The following MEP1A variants were observed in gnomAD, a reference collection of about 807,000 sequenced individuals.
The protein encoded by MEP1A is meprin A subunit alpha.
A neutral mutation model predicts 84.5 loss-of-function variants in MEP1A; 68 were observed. That is an observed-to-expected ratio of 0.80 (90% CI 0.66 to 0.98). The LOEUF (loss-of-function observed/expected upper bound fraction) is 0.98. MEP1A is among the 50% of genes least tolerant of loss of function. The probability of loss-of-function intolerance (pLI) is 0.00; values close to 1 mark genes in which losing one functional copy is unlikely to be tolerated. For synonymous variants in MEP1A, 337 were observed against 336.8 expected, an observed-to-expected ratio of 1.00 and a Z score of -0.01; for missense variants, 887 against 919.9, an observed-to-expected ratio of 0.96 and a Z score of 0.46.
In MEP1A at chr6:46,822,966, A is replaced by G. The variant is rs918236278; in HGVS notation, c.557-2306A>G. Reference sequence around the variant, plus strand: ...AGACTCTTATGCTCTTTAAAATTCCATTACCTCAAATGACATCCTAGGACC... The same window carrying G: ...AGACTCTTATGCTCTTTAAAATTCCGTTACCTCAAATGACATCCTAGGACC... On this transcript the variant is annotated intron_variant, in intron 7 of 13. Transcript: ENST00000230588. Among the ~76,000 whole-genome samples the G allele has an allele frequency of 3.3e-5, 5 of 152,256 alleles. No homozygotes were observed. The South Asian group carries it at 6.2e-4, about 19-fold the overall frequency.
At position 46,798,590 on chromosome 6, in the gene MEP1A, A is replaced by G; in HGVS notation, c.146-16A>G. On this transcript the variant is annotated splice_polypyrimidine_tract_variant and intron_variant, in intron 3 of 13. Coordinates refer to ENST00000230588, the MANE Select transcript of MEP1A (RefSeq NM_005588.3). Reference sequence around the variant, plus strand: ...TCACTCAAATATTCTTTTTTTAAAAAAAATTCCACTTCCAGCTGCAGGCTT... The same window carrying G: ...TCACTCAAATATTCTTTTTTTAAAAGAAATTCCACTTCCAGCTGCAGGCTT... 1 of 1,611,592 alleles carries G rather than the reference A, an allele frequency of 6.2e-7. No homozygotes were observed. Among genetic ancestry groups the G allele is most frequent in the Non-Finnish European group, 8.5e-7 (1 of 1,178,258 alleles).
intron 5 of MEP1A, among the ~76,000 whole-genome samples, chr6:46,803,015 A>G (rs1056110377): frequency 2.6e-5 from 4 of 151,684 alleles, no homozygotes; most frequent in African/African-American, 9.7e-5. Flanking sequence ...TAATAAAGTT[A>G]TGTAGCTCTC....
chr6:46,818,786 T>A (rs933441340), intron 6 of MEP1A, among the ~76,000 whole-genome samples: 1 of 152,206 alleles, frequency 6.6e-6, no homozygotes, highest in African/African-American at 2.4e-5. Flanking sequence ...CTTTTTATGA[T>A]CATAAAATAT....
intron 7 of MEP1A, among the ~76,000 whole-genome samples, chr6:46,822,651 C>T (rs1180624706): frequency 1.3e-5 from 2 of 152,156 alleles, no homozygotes; most frequent in Admixed American, 6.5e-5. Context: ...TCAAGCGATT[C>T]TCATGCCTCA....
intron 6 of MEP1A, among the ~76,000 whole-genome samples, chr6:46,814,419 A>G (rs951435676): frequency 3.8e-4 from 58 of 151,938 alleles, no homozygotes; most frequent in African/African-American, 1.3e-3. Flanking sequence ...TATTTATGCT[A>G]TCTATTTCAC....
intron 12 of MEP1A, 58 bp from the exon 13 acceptor site, chr6:46,835,191 G>A (rs1239173263): frequency 5.6e-6 from 8 of 1,433,780 alleles, no homozygotes; most frequent in East Asian, 4.9e-5. Context: ...AGAAGTGGGA[G>A]TTAATTGTAG....
intron 3 of MEP1A, among the ~76,000 whole-genome samples, chr6:46,794,174 A>T (rs1332708757): frequency 6.6e-6 from 1 of 152,150 alleles, no homozygotes; most frequent in Non-Finnish European, 1.5e-5. Flanking sequence ...TAGACATCTC[A>T]TTTACAAATA....
downstream of MEP1A, among the ~76,000 whole-genome samples, chr6:46,839,948 A>G (rs1431255889): frequency 2.0e-5 from 3 of 152,138 alleles, no homozygotes; most frequent in Non-Finnish European, 4.4e-5. Context: ...AGAACTTTAA[A>G]GAAGTATTTT....
rs1768061255 is a variant in MEP1A, at chr6:46,830,929, G to C, written c.1144+1358G>C. Among the ~76,000 whole-genome samples, 6 of 152,176 alleles carry C rather than the reference G, an allele frequency of 3.9e-5. No homozygotes were observed. The South Asian group carries it at 1.2e-3, about 32-fold the overall frequency. ...GATTGTAAATATTTAATGAGAAAAT[G>C]AGTTAGAGTTTCAATAATATTGATG... On this transcript the variant is annotated intron_variant, in intron 10 of 13. Transcript: ENST00000230588.
At chr6:46,830,617 C>T (rs879588653) in intron 10 of MEP1A, among the ~76,000 whole-genome samples, 1 of 152,164 alleles carries the variant, frequency 6.6e-6, no homozygotes, top group Non-Finnish European at 1.5e-5. Flanking sequence ...ATCCTAGCAT[C>T]CAACTGCCTA....
intron 5 of MEP1A, among the ~76,000 whole-genome samples, chr6:46,808,681 T>C (rs1332062482): frequency 2.6e-5 from 4 of 152,036 alleles, no homozygotes; most frequent in Admixed American, 1.3e-4. Flanking sequence ...GCATTTGATC[T>C]TTGGTCATTG....
chr6:46,814,457 C>A (rs541076039), intron 6 of MEP1A, among the ~76,000 whole-genome samples: 2 of 151,980 alleles, frequency 1.3e-5, no homozygotes, highest in Non-Finnish European at 1.5e-5. Context: ...ATATTCTCAT[C>A]ATGTTTTTGA....
chr6:46,798,689 A>AGTG, intron 4 of MEP1A, 43 bp downstream of exon 4: 1 of 1,560,220 alleles, frequency 6.4e-7, no homozygotes, highest in South Asian at 1.1e-5. Flanking sequence ...CAGGACAGGC[A>AGTG]GTACCACTGG....
rs750282221 is a variant in MEP1A, at chr6:46,798,683, A to G, written c.186+37A>G. 6.3e-6 allele frequency: 10 copies of G among 1,586,762 alleles called. No homozygotes were observed. The African/African-American group carries it at 1.2e-4, about 19-fold the overall frequency. ...TCAATGATGCAATAAGTTTCTCAGG[A>G]CAGGCAGTACCACTGGGTGTGAGTC... On this transcript the variant is annotated intron_variant, in intron 4 of 13. Transcript: ENST00000230588.
intron 5 of MEP1A, among the ~76,000 whole-genome samples, chr6:46,807,797 A>AAG (rs1436164586): frequency 2.3e-4 from 33 of 145,596 alleles, no homozygotes; most frequent in African/African-American, 7.7e-4. Flanking sequence ...GAAAGAAAGA[A>AAG]AGAAAGAAAG....
intron 8 of MEP1A, among the ~76,000 whole-genome samples, chr6:46,826,115 A>G (rs1767938160): frequency 6.6e-6 from 1 of 152,196 alleles, no homozygotes; most frequent in South Asian, 2.1e-4. Flanking sequence ...TGGTATTTAC[A>G]TGGCAGAGAA....
rs750551386 is a variant in MEP1A at position 46,839,046 on chromosome 6, T to C, written c.2151T>C (p.Ser717=). ...ERCQAVQVHG[S]VLGMVIGGTA... Reference sequence around the variant, plus strand: ...GTCAGGCCGTGCAGGTGCACGGCAGTGTCCTGGGCATGGTGATCGGAGGCA... The same window carrying C: ...GTCAGGCCGTGCAGGTGCACGGCAGCGTCCTGGGCATGGTGATCGGAGGCA... Residue 717 remains serine, a synonymous_variant, in exon 14 of 14, where the codon AGT becomes AGC. Coordinates refer to ENST00000230588, the MANE Select transcript of MEP1A (RefSeq NM_005588.3). 5.6e-6 allele frequency: 9 copies of C among 1,613,750 alleles called. No homozygotes were observed. The East Asian group carries it at 8.9e-5, about 16-fold the overall frequency.
intron 10 of MEP1A, among the ~76,000 whole-genome samples, chr6:46,830,872 T>G (rs1467701615): frequency 6.6e-6 from 1 of 152,226 alleles, no homozygotes; most frequent in Admixed American, 6.5e-5. Flanking sequence ...CTAGATACTC[T>G]TTAAGAGTTG....
chr6:46,844,074 C>A (rs1179278180), downstream of MEP1A, among the ~76,000 whole-genome samples: 2 of 152,134 alleles, frequency 1.3e-5, no homozygotes, highest in Non-Finnish European at 2.9e-5. Context: ...ACTCAAATTT[C>A]TATATGCTTA....
Sources: gnomAD v4.1 joint callset for allele counts (sites outside exome capture counted in the v4.1 genomes callset) on GRCh38, gnomAD v4.1.1 for gene constraint, MANE v1.5 for transcripts, NCBI Gene and HGNC (gene_info 2026-07-23, HGNC 2026-07-21) for gene names.